The following ANKS6 variants were observed in gnomAD, a reference collection of about 807,000 sequenced individuals.
ANKS6 encodes the protein ankyrin repeat and SAM domain-containing protein 6.
In ANKS6, 47 loss-of-function variants were observed where a neutral mutation model predicts 77.9. The observed-to-expected ratio is 0.60, with a 90% CI of 0.48 to 0.77. ANKS6 has a LOEUF of 0.77. ANKS6 is among the 30% of genes least tolerant of loss of function. The pLI, the probability that ANKS6 is intolerant of heterozygous loss-of-function variation, is 0.00. For missense variants in ANKS6, 1,150 were observed against 1,159.1 expected (o/e 0.99, Z 0.11); for synonymous variants, 488 against 501.7 (o/e 0.97, Z 0.37).
chr9:98,732,423 C>G lies in ANKS6; in HGVS notation c.*4096G>C, dbSNP rs1831249717. 1.4e-6 allele frequency: 2 copies of G among 1,451,394 alleles called. No homozygotes were observed. The highest frequency in any genetic ancestry group is 1.9e-6 in the Non-Finnish European group (2 of 1,061,608). The allele number at this position is 1,451,394 out of a possible 1,614,324, so 89.9% of individuals were successfully genotyped here. A position where few individuals can be genotyped will look rare whatever the true frequency, so the allele number is the denominator to read the frequency against. On this transcript the variant is annotated 3_prime_UTR_variant, in exon 15 of 15. Coordinates refer to ENST00000353234, the MANE Select transcript of ANKS6 (RefSeq NM_173551.5). ...ATCCAGTGACAGCAAGACCCAGAGT[C>G]AGGCACATTTGGAGGGCAGGTCCAT...
Position 98,734,757 on chromosome 9 carries a change from G to A in ANKS6, c.*1762C>T. ...TGGCCATGAGGATGAAATGACAAAG[G>A]TAAAGCTGCCAGCACATAGTAGGGG... On this transcript the variant is annotated 3_prime_UTR_variant, in exon 15 of 15. Coordinates refer to ENST00000353234, the MANE Select transcript of ANKS6 (RefSeq NM_173551.5). 6 of 981,868 alleles carry A rather than the reference G, an allele frequency of 6.1e-6. No homozygotes were observed. Among genetic ancestry groups the A allele is most frequent in the Non-Finnish European group, 7.3e-6 (6 of 826,702 alleles). The allele number at this position is 981,868 out of a possible 1,614,324, so 60.8% of individuals were successfully genotyped here. A position where few individuals can be genotyped will look rare whatever the true frequency, so the allele number is the denominator to read the frequency against.
At chr9:98,762,930 T>C (rs1833091566) in intron 11 of ANKS6, among the ~76,000 whole-genome samples, 1 of 152,098 alleles carries the variant, frequency 6.6e-6, no homozygotes, top group African/African-American at 2.4e-5. Context: ...TATAATAACA[T>C]AGGGGTCAAT....
Position 98,735,676 on chromosome 9 carries a change from G to A in ANKS6, c.*843C>T. 8.1e-7 allele frequency: 1 copy of A among 1,231,750 alleles called. No homozygotes were observed. The highest frequency in any genetic ancestry group is 1.5e-5 in the African/African-American group (1 of 64,536). The allele number at this position is 1,231,750 out of a possible 1,614,324, so 76.3% of individuals were successfully genotyped here. ...CTGTGGAGTACCAGAGCATCATCTG[G>A]TCTGACCTTCCACTTTGCAGATAAG... On this transcript the variant is annotated 3_prime_UTR_variant, in exon 15 of 15. Transcript: ENST00000353234.
At chr9:98,779,006 C>G (rs1475316646) in intron 6 of ANKS6, among the ~76,000 whole-genome samples, 1 of 152,144 alleles carries the variant, frequency 6.6e-6, no homozygotes, top group African/African-American at 2.4e-5. Flanking sequence ...CTGTGAGGGC[C>G]TGCCTGTGGA....
In ANKS6 at chr9:98,784,834, A is replaced by G; in HGVS notation, c.905T>C (p.Met302Thr). The G allele has an allele frequency of 6.2e-7, 1 of 1,613,052 alleles. No individual in the cohort carries two copies. The highest frequency in any genetic ancestry group is 8.5e-7 in the Non-Finnish European group (1 of 1,179,664). The change falls in exon 3 of 15, where the codon ATG (methionine) becomes ACG (threonine). Residue 302 changes from methionine to threonine, a missense_variant and splice_region_variant. Transcript: ENST00000353234. ...RRPDIFHALK[M>T]GNFQLVKEIA... Reference sequence around the variant, plus strand: ...AAAAGATTTTCTAAAGCGCTTACCCATTTTCAATGCATGGAAAATATCAGG... The same window carrying G: ...AAAAGATTTTCTAAAGCGCTTACCCGTTTTCAATGCATGGAAAATATCAGG...
At position 98,796,496 on chromosome 9, in the gene ANKS6, G is replaced by C; in HGVS notation, c.-5C>G. On this transcript the variant is annotated 5_prime_UTR_variant, in exon 1 of 15. Transcript: ENST00000353234. ...GGGCAGCCCGCCCTCGCCCATCGCCGCCGCCACGCGCGGCCCGCTCCCGTC... is the reference window on the plus strand; with the variant it reads ...GGGCAGCCCGCCCTCGCCCATCGCCCCCGCCACGCGCGGCCCGCTCCCGTC... 1.0e-6 allele frequency: 1 copy of C among 988,236 alleles called. No individual in the cohort carries two copies. The highest frequency in any genetic ancestry group is 1.2e-6 in the Non-Finnish European group (1 of 833,394). 61.2% of individuals were successfully genotyped at this position (988,236 alleles called of 1,614,324 possible). A position where few individuals can be genotyped will look rare whatever the true frequency, so the allele number is the denominator to read the frequency against.
chr9:98,758,856 T>C (rs561172814), intron 11 of ANKS6, among the ~76,000 whole-genome samples: 55 of 152,328 alleles, frequency 3.6e-4, no homozygotes, highest in Non-Finnish European at 6.9e-4. Context: ...ACAGAATTGT[T>C]AGCCCATATC....
At chr9:98,779,139 C>T (rs946713923) in intron 6 of ANKS6, among the ~76,000 whole-genome samples, 8 of 152,210 alleles carry the variant, frequency 5.3e-5, no homozygotes, top group African/African-American at 1.4e-4. Flanking sequence ...AAGGCGCTAC[C>T]ACCCCATGCA....
At chr9:98,773,128 C>G (rs1833728499) in intron 9 of ANKS6, among the ~76,000 whole-genome samples, 1 of 152,192 alleles carries the variant, frequency 6.6e-6, no homozygotes, top group Admixed American at 6.5e-5. Context: ...TAAATGCAAA[C>G]CTGTCCTGCC....
intron 2 of ANKS6, among the ~76,000 whole-genome samples, chr9:98,785,423 G>A (rs1214324798): frequency 6.6e-6 from 1 of 152,148 alleles, no homozygotes; most frequent in Admixed American, 6.5e-5. Flanking sequence ...CTCCAAACCT[G>A]CAGACACAGC....
Position 98,732,581 on chromosome 9 carries a change from AAG to A in ANKS6, c.*3936_*3937del, listed in dbSNP as rs1564164548. 7 of 1,550,492 alleles carry A rather than the reference AAG, an allele frequency of 4.5e-6. No homozygotes were observed. The highest frequency in any genetic ancestry group is 1.7e-4 in the Middle Eastern group (1 of 5,994). On this transcript the variant is annotated 3_prime_UTR_variant, in exon 15 of 15. Coordinates refer to ENST00000353234, the MANE Select transcript of ANKS6 (RefSeq NM_173551.5). ...ACGTCAGGGCAGAAGGGAGAGAAGAAAGAGAGATGAGAGATGAAAGGATTTAA... is the reference window on the plus strand; with the variant it reads ...ACGTCAGGGCAGAAGGGAGAGAAGAAAGAGATGAGAGATGAAAGGATTTAA...
At chr9:98,738,208 T>C (rs1188325580) in intron 14 of ANKS6, among the ~76,000 whole-genome samples, 1 of 151,940 alleles carries the variant, frequency 6.6e-6, no homozygotes, top group Non-Finnish European at 1.5e-5. Context: ...CCAAAAGCAA[T>C]GCATAAAAAC....
At chr9:98,782,801 G>A (rs1321592024) in intron 4 of ANKS6, among the ~76,000 whole-genome samples, 6 of 152,184 alleles carry the variant, frequency 3.9e-5, no homozygotes, top group Admixed American at 3.9e-4. Flanking sequence ...TGAAGACTGA[G>A]GCTAGATGTG....
In ANKS6 at chr9:98,780,174, C is replaced by T; in HGVS notation, c.1368+15G>A. On this transcript the variant is annotated intron_variant, in intron 6 of 14. Transcript: ENST00000353234. ...CCCTAGCCCCCAAGCCCCTTTAAGA[C>T]AGGAAAAGGCAAACCTTCAGTCCAC... 1 of 1,612,926 alleles carries T rather than the reference C, an allele frequency of 6.2e-7. No homozygotes were observed. The highest frequency in any genetic ancestry group is 8.5e-7 in the Non-Finnish European group (1 of 1,179,930).
rs1834851549 is a variant in ANKS6, at chr9:98,790,566, C to T, written c.400G>A (p.Gly134Arg). The T allele has an allele frequency of 6.2e-6, 10 of 1,609,964 alleles. No individual in the cohort carries two copies. The highest frequency in any genetic ancestry group is 2.2e-5 in the South Asian group (2 of 90,998). ...VSVAHLLLDHGADVNAQNRLG... is the reference protein window; with the variant it reads ...VSVAHLLLDHRADVNAQNRLG... The stretch of plus-strand genomic sequence containing the variant: ...CGGTTCTGGGCATTGACATCAGCCC[C>T]GTGATCCAACAGGAGGTGTGCCACA... Residue 134 changes from glycine (G) to arginine (R), a missense_variant, in exon 2 of 15, where the codon GGG becomes AGG. Physicochemically the swap from Gly to Arg is moderately radical, Grantham distance 125 (BLOSUM62 -2). Transcript: ENST00000353234.
intron 14 of ANKS6, among the ~76,000 whole-genome samples, chr9:98,738,719 A>G (rs1254353102): frequency 6.6e-6 from 1 of 152,218 alleles, no homozygotes; most frequent in Non-Finnish European, 1.5e-5. Context: ...TAGAACTACC[A>G]TTTGATCCAG....
chr9:98,739,818 A>G (rs1322280524), intron 14 of ANKS6, among the ~76,000 whole-genome samples: 1 of 114,358 alleles, frequency 8.7e-6, no homozygotes, highest in African/African-American at 3.7e-5. Flanking sequence ...GCAGTGGCGC[A>G]ATCTCGGCTC....
intron 1 of ANKS6, among the ~76,000 whole-genome samples, chr9:98,794,181 C>T (rs1445119199): frequency 6.8e-6 from 1 of 146,462 alleles, no homozygotes; most frequent in African/African-American, 2.5e-5. Flanking sequence ...GGAAAAAACA[C>T]TAAGGTCACC....
intron 5 of ANKS6, among the ~76,000 whole-genome samples, chr9:98,781,673 G>A (rs1471516421): frequency 6.6e-6 from 1 of 152,166 alleles, no homozygotes; most frequent in African/African-American, 2.4e-5. Flanking sequence ...TGGCAAGGGT[G>A]GCAGTGCTGT....
Sources: gnomAD v4.1 joint callset for allele counts (sites outside exome capture counted in the v4.1 genomes callset) on GRCh38, gnomAD v4.1.1 for gene constraint, MANE v1.5 for transcripts, NCBI Gene and HGNC (gene_info 2026-07-23, HGNC 2026-07-21) for gene names.